The following PDE3A variants were observed in gnomAD, a reference collection of about 807,000 sequenced individuals.
PDE3A encodes cGMP-inhibited 3',5'-cyclic phosphodiesterase 3A.
PDE3A carries 43 observed loss-of-function variants against 98.3 expected under a neutral mutation model. That is an observed-to-expected ratio of 0.44 (90% CI 0.34 to 0.56). The LOEUF (loss-of-function observed/expected upper bound fraction) is 0.56, where lower values mean the gene tolerates loss of function less well. PDE3A is among the 20% of genes least tolerant of loss of function. The pLI, the probability that PDE3A is intolerant of heterozygous loss-of-function variation, is 0.01. For missense variants in PDE3A, 1,427 were observed against 1,440.7 expected, an observed-to-expected ratio of 0.99 and a Z score of 0.15; for synonymous variants, 663 against 567.9, an observed-to-expected ratio of 1.17 and a Z score of -2.38.
chr12:20,440,216 C>T (rs1257104326), intron 1 of PDE3A, among the ~76,000 whole-genome samples: 1 of 151,994 alleles, frequency 6.6e-6, no homozygotes, highest in Non-Finnish European at 1.5e-5. Flanking sequence ...TTGCCTTGCT[C>T]CAGGTTTTAC....
intron 1 of PDE3A, among the ~76,000 whole-genome samples, chr12:20,489,815 A>T (rs1945798904): frequency 1.3e-5 from 2 of 152,170 alleles, no homozygotes; most frequent in African/African-American, 4.8e-5. Context: ...GATTGTTAAC[A>T]TTTATGCCCC....
chr12:20,412,548 C>T (rs577776454), intron 1 of PDE3A, among the ~76,000 whole-genome samples: 3 of 152,030 alleles, frequency 2.0e-5, no homozygotes, highest in Non-Finnish European at 4.4e-5. Flanking sequence ...AGTGAAAAAC[C>T]GACAGACAGA....
Position 20,559,648 on chromosome 12 carries a change from G to A in PDE3A, c.1011+2938G>A, listed in dbSNP as rs573049570. Reference sequence around the variant, plus strand: ...ATCATGCCACTGCACTCCAGCCTGGGCAACAGAACGAGACCCCATATCAAA... The same window carrying A: ...ATCATGCCACTGCACTCCAGCCTGGACAACAGAACGAGACCCCATATCAAA... On this transcript the variant is annotated intron_variant, in intron 2 of 15. Coordinates refer to ENST00000359062, the MANE Select transcript of PDE3A (RefSeq NM_000921.5). Among the ~76,000 whole-genome samples the A allele has an allele frequency of 1.2e-4, 18 of 150,618 alleles. No individual in the cohort carries two copies. The South Asian group carries it at 3.8e-3, about 32-fold the overall frequency.
At chr12:20,670,602 G>C (rs1299574718) in intron 15 of PDE3A, among the ~76,000 whole-genome samples, 2 of 151,542 alleles carry the variant, frequency 1.3e-5, no homozygotes, top group Non-Finnish European at 2.9e-5. Context: ...ATGACTACTG[G>C]GTACATAACG....
At chr12:20,657,340 G>A (rs1313474346) in intron 15 of PDE3A, among the ~76,000 whole-genome samples, 1 of 152,042 alleles carries the variant, frequency 6.6e-6, no homozygotes, top group Non-Finnish European at 1.5e-5. Flanking sequence ...CAATGCTTTT[G>A]GCTCTCAGTA....
intron 15 of PDE3A, among the ~76,000 whole-genome samples, chr12:20,657,352 T>C (rs1945066759): frequency 1.3e-5 from 2 of 152,170 alleles, no homozygotes; most frequent in Admixed American, 1.3e-4. Context: ...CTCTCAGTAA[T>C]GTTAATATCA....
chr12:20,401,975 A>G (rs955622549), intron 1 of PDE3A, among the ~76,000 whole-genome samples: 3 of 152,178 alleles, frequency 2.0e-5, no homozygotes, highest in Non-Finnish European at 4.4e-5. Flanking sequence ...TCTGATAACA[A>G]TAGTGTGGAA....
intron 7 of PDE3A, 137 bp from the exon 8 acceptor site, chr12:20,634,765 T>G: frequency 1.5e-6 from 1 of 657,586 alleles, no homozygotes; most frequent in East Asian, 2.6e-5. Flanking sequence ...CCTATGATCC[T>G]ATGTTCTTGG....
Position 20,654,035 on chromosome 12 carries a change from T to C in PDE3A, c.3014T>C (p.Ile1005Thr). ...PQLANLQESF[I>T]SHIVGPLCNS... The stretch of plus-strand genomic sequence containing the variant: ...CTGGCCAACCTTCAGGAATCCTTCA[T>C]CTCTCACATTGTGGGGCCTCTGTGC... The change falls in exon 15 of 16, where the codon ATC (isoleucine) becomes ACC (threonine). Residue 1005 changes from isoleucine (I) to threonine (T), a missense_variant. This residue lies in a region of PDE3A where 273 missense variants were observed against 420.3 expected (regional missense o/e 0.65). Coordinates refer to ENST00000359062, the MANE Select transcript of PDE3A (RefSeq NM_000921.5). The C allele has an allele frequency of 6.2e-7, 1 of 1,614,166 alleles. No homozygotes were observed. Among genetic ancestry groups the C allele is most frequent in the Non-Finnish European group, 8.5e-7 (1 of 1,180,022 alleles).
At chr12:20,417,670 AG>A (rs1944443424) in intron 1 of PDE3A, among the ~76,000 whole-genome samples, 1 of 152,194 alleles carries the variant, frequency 6.6e-6, no homozygotes, top group Admixed American at 6.5e-5. Flanking sequence ...CCCTATTAAA[AG>A]TCTGAAAGTA....
chr12:20,587,788 A>G (rs1346272763), intron 2 of PDE3A, among the ~76,000 whole-genome samples: 1 of 152,232 alleles, frequency 6.6e-6, no homozygotes, highest in South Asian at 2.1e-4. Flanking sequence ...CAGTGATCAA[A>G]GTGAGAATGT....
chr12:20,472,740 C>T (rs558001603), intron 1 of PDE3A, among the ~76,000 whole-genome samples: 1 of 152,182 alleles, frequency 6.6e-6, no homozygotes, highest in Admixed American at 6.5e-5. Context: ...GAATGTGTAA[C>T]TTTTAATCTC....
chr12:20,531,383 C>T (rs529487454), intron 1 of PDE3A, among the ~76,000 whole-genome samples: 75 of 152,130 alleles, frequency 4.9e-4, no homozygotes, highest in Non-Finnish European at 8.7e-4. Flanking sequence ...TTCTATACTT[C>T]GGATACTTGA....
chr12:20,392,316 A>G (rs957429180), intron 1 of PDE3A, among the ~76,000 whole-genome samples: 13 of 152,066 alleles, frequency 8.5e-5, no homozygotes, highest in African/African-American at 3.1e-4. Flanking sequence ...AAAACACTAC[A>G]TAAATATTAA....
At chr12:20,569,057 TGA>T (rs1942730510) in intron 2 of PDE3A, among the ~76,000 whole-genome samples, 1 of 152,066 alleles carries the variant, frequency 6.6e-6, no homozygotes. Flanking sequence ...TCTAAATGAA[TGA>T]GTGTTGTCAT....
chr12:20,472,576 A>C (rs1945457053), intron 1 of PDE3A, among the ~76,000 whole-genome samples: 1 of 78,072 alleles, frequency 1.3e-5, no homozygotes, highest in Non-Finnish European at 2.4e-5. Flanking sequence ...GGGTTTTATT[A>C]ATCTAAATGA....
chr12:20,423,621 C>A (rs1043530572), intron 1 of PDE3A, among the ~76,000 whole-genome samples: 2 of 152,150 alleles, frequency 1.3e-5, no homozygotes, highest in Non-Finnish European at 2.9e-5. Context: ...AGTGGACTCT[C>A]ATGCGTAAGA....
Position 20,370,127 on chromosome 12 carries a change from A to G in PDE3A, c.843A>G (p.Glu281=). 1 of 1,613,288 alleles carries G rather than the reference A, an allele frequency of 6.2e-7. No individual in the cohort carries two copies. The highest frequency in any genetic ancestry group is 8.5e-7 in the Non-Finnish European group (1 of 1,179,838). The change falls in exon 1 of 16, where the codon GAA becomes GAG. Residue 281 remains glutamate (E), a synonymous_variant. Transcript: ENST00000359062. ...LGSQLIAGTK[E]DIPVFKRRRR... The stretch of plus-strand genomic sequence containing the variant: ...CCCAGCTGATTGCTGGGACCAAGGA[A>G]GATATCCCGGTGTTTAAGAGGAGGA...
intron 1 of PDE3A, among the ~76,000 whole-genome samples, chr12:20,529,586 A>T (rs1338859774): frequency 6.6e-6 from 1 of 152,126 alleles, no homozygotes; most frequent in Non-Finnish European, 1.5e-5. Flanking sequence ...GCAGATGGCC[A>T]TCTGAAGACA....
Sources: gnomAD v4.1 joint callset for allele counts (sites outside exome capture counted in the v4.1 genomes callset) on GRCh38, gnomAD v4.1.1 for gene constraint, gnomAD v4.1.1 regional missense constraint, MANE v1.5 for transcripts, NCBI Gene and HGNC (gene_info 2026-07-23, HGNC 2026-07-21) for gene names.